AMD1: variants seen among roughly 807,000 people sequenced by gnomAD.
AMD1 encodes S-adenosylmethionine decarboxylase proenzyme.
AMD1 carries 11 observed loss-of-function variants against 40.2 expected under a neutral mutation model. The ratio of observed to expected loss-of-function variants is 0.27; its 90% CI spans 0.17 to 0.45. The LOEUF is 0.45. AMD1 is among the 20% of genes least tolerant of loss of function. AMD1 has a pLI of 1.00. For synonymous variants in AMD1, 121 were observed against 130.8 expected (o/e 0.93, Z 0.51); for missense variants, 257 against 410.2 (o/e 0.63, Z 3.23).
chr6:110,870,235 T>C (rs188265763), upstream of AMD1, among the ~76,000 whole-genome samples: 8 of 152,336 alleles, frequency 5.3e-5, no homozygotes, highest in East Asian at 1.5e-3. Flanking sequence ...AAACCACCAC[T>C]GTGATGTCAA....
chr6:110,882,291 A>G (rs1368758633), intron 1 of AMD1, among the ~76,000 whole-genome samples: 1 of 152,238 alleles, frequency 6.6e-6, no homozygotes, highest in Non-Finnish European at 1.5e-5. Flanking sequence ...AAAGCAGACC[A>G]CTGAAAACCT....
the AMD1 span, among the ~76,000 whole-genome samples, chr6:110,835,882 A>G: frequency 3.3e-5 from 5 of 150,324 alleles, no homozygotes; most frequent in African/African-American, 1.2e-4. Flanking sequence ...CCACCCCCCA[A>G]AAAAAATCAG....
the AMD1 span, among the ~76,000 whole-genome samples, chr6:110,827,594 G>A: frequency 3.9e-5 from 6 of 151,964 alleles, no homozygotes; most frequent in South Asian, 2.1e-4. Context: ...GTGAAACCCC[G>A]TCTCTACTAA....
chr6:110,814,653 G>C, the AMD1 span: 1 of 498,482 alleles, frequency 2.0e-6, no homozygotes, highest in Non-Finnish European at 3.9e-6. Flanking sequence ...CTCCGCAGCG[G>C]AGCTCTGCCT....
At chr6:110,815,150 C>G in the AMD1 span, 7 of 1,579,520 alleles carry the variant, frequency 4.4e-6, no homozygotes, top group Admixed American at 1.8e-5. Flanking sequence ...CTGCTTCCCC[C>G]ATAGAGGCAC....
the AMD1 span, among the ~76,000 whole-genome samples, chr6:110,862,491 G>A: frequency 2.1e-5 from 3 of 145,532 alleles, no homozygotes; most frequent in Non-Finnish European, 4.5e-5. Context: ...TTTTGAGACA[G>A]AGTTTTGCTT....
rs1785943788 is a variant in AMD1, at chr6:110,890,347, A to G, written c.418A>G (p.Ile140Val). Residue 140 changes from isoleucine (I) to valine (V), a missense_variant, in exon 4 of 9, where the codon ATT becomes GTT. Physicochemically the swap from Ile to Val is conservative, Grantham distance 29. Around this residue, in one of 3 missense-constraint regions of AMD1, gnomAD observed 192 missense variants for 296.5 expected, o/e 0.65. Transcript: ENST00000368885. Reference sequence around the variant, plus strand: ...GGAAGAAATAGAGTTTCTTAATGCAATTTTCCCAAGTAAGTTTAAATAAAA... The same window carrying G: ...GGAAGAAATAGAGTTTCTTAATGCAGTTTTCCCAAGTAAGTTTAAATAAAA... ...FQEEIEFLNAIFPNGAAYCMG... is the reference protein window; with the variant it reads ...FQEEIEFLNAVFPNGAAYCMG... 4 of 1,591,136 alleles carry G rather than the reference A, an allele frequency of 2.5e-6. No individual in the cohort carries two copies. Among genetic ancestry groups the G allele is most frequent in the Non-Finnish European group, 3.4e-6 (4 of 1,172,546 alleles).
the AMD1 span, chr6:110,814,973 C>A: frequency 6.3e-7 from 1 of 1,597,330 alleles, no homozygotes; most frequent in Non-Finnish European, 8.5e-7. Flanking sequence ...AGGGCGAGGA[C>A]CCGAGCGAGC....
Position 110,892,779 on chromosome 6 carries a change from C to A in AMD1, c.660C>A (p.Ala220=), listed in dbSNP as rs755075033. The A allele has an allele frequency of 1.2e-6, 2 of 1,613,690 alleles. No individual in the cohort carries two copies. The highest frequency in any genetic ancestry group is 2.2e-5 in the East Asian group (1 of 44,876). The change falls in exon 7 of 9, where the codon GCC becomes GCA. Residue 220 remains alanine (A), a synonymous_variant. Transcript: ENST00000368885. ...RDLIPGSVID[A]TMFNPCGYSM... ...TGATACCAGGTTCTGTCATTGATGC[C>A]ACAATGTTCAATCCTTGTGGGTATT...
At chr6:110,869,741 T>C in the AMD1 span, among the ~76,000 whole-genome samples, 1 of 149,948 alleles carries the variant, frequency 6.7e-6, no homozygotes, top group African/African-American at 2.5e-5. Context: ...ACTCCCGACC[T>C]CAGGTGATCC....
chr6:110,834,462 A>G, the AMD1 span, among the ~76,000 whole-genome samples: 1 of 152,220 alleles, frequency 6.6e-6, no homozygotes, highest in African/African-American at 2.4e-5. Context: ...TATAGACTAC[A>G]GGTAGATTTC....
intron 1 of AMD1, among the ~76,000 whole-genome samples, chr6:110,884,703 G>C (rs1355798131): frequency 1.1e-4 from 17 of 151,966 alleles, no homozygotes; most frequent in Admixed American, 1.1e-3. Context: ...CACAGTGCCT[G>C]GCCACAACAG....
At position 110,893,808 on chromosome 6, in the gene AMD1, T is replaced by G; in HGVS notation, c.*192T>G. On this transcript the variant is annotated 3_prime_UTR_variant, in exon 9 of 9. Transcript: ENST00000368885. Reference sequence around the variant, plus strand: ...ATATCAAGGAGTTAGATATCTTGCATGAATGCTCTCTTCTGTGTTTAGGTA... The same window carrying G: ...ATATCAAGGAGTTAGATATCTTGCAGGAATGCTCTCTTCTGTGTTTAGGTA... The G allele has an allele frequency of 3.3e-6, 2 of 603,946 alleles. No homozygotes were observed. The highest frequency in any genetic ancestry group is 4.6e-5 in the South Asian group (2 of 43,076). 37.4% of individuals were successfully genotyped at this position (603,946 alleles called of 1,614,324 possible).
chr6:110,868,893 T>TA, the AMD1 span, among the ~76,000 whole-genome samples: 145 of 147,538 alleles, frequency 9.8e-4, no homozygotes, highest in Non-Finnish European at 1.4e-3. Context: ...CTGACTCTAC[T>TA]AAAAAAAAAA....
At chr6:110,866,906 C>G in the AMD1 span, among the ~76,000 whole-genome samples, 2 of 151,936 alleles carry the variant, frequency 1.3e-5, no homozygotes, top group Non-Finnish European at 2.9e-5. Context: ...CTCCGCCTCC[C>G]CGGTTCAAGC....
At chr6:110,852,982 C>CTTTTT in the AMD1 span, among the ~76,000 whole-genome samples, 5 of 111,492 alleles carry the variant, frequency 4.5e-5, no homozygotes, top group Non-Finnish European at 5.5e-5. Context: ...TAATTAAGCA[C>CTTTTT]TTTTTTTTTT....
At chr6:110,888,228 G>A (rs535244177) in intron 2 of AMD1, 1 of 152,132 alleles carries the variant, frequency 6.6e-6, no homozygotes, top group Non-Finnish European at 1.5e-5. Flanking sequence ...TGTAGTTGCA[G>A]AGTTAATTTA....
chr6:110,836,425 T>A, the AMD1 span, among the ~76,000 whole-genome samples: 1 of 152,196 alleles, frequency 6.6e-6, no homozygotes, highest in African/African-American at 2.4e-5. Context: ...GATGTTCATT[T>A]ATATTGTGAA....
chr6:110,892,706 T>C, intron 6 of AMD1, 29 bp from the exon 7 acceptor site: 1 of 1,566,268 alleles, frequency 6.4e-7, no homozygotes, highest in Non-Finnish European at 8.6e-7. Flanking sequence ...GTCAAACCCT[T>C]GTTAAACTCG....
Sources: gnomAD v4.1 joint callset for allele counts (sites outside exome capture counted in the v4.1 genomes callset) on GRCh38, gnomAD v4.1.1 for gene constraint, gnomAD v4.1.1 regional missense constraint, MANE v1.5 for transcripts, NCBI Gene and HGNC (gene_info 2026-07-23, HGNC 2026-07-21) for gene names.